Variants in ZNF679 observed in about 807,000 individuals in gnomAD.
ZNF679 encodes zinc finger protein 679, also known as hypothetical protein MGC42415.
ZNF679 carries 10 observed loss-of-function variants against 13.4 expected under a neutral mutation model. That is an observed-to-expected ratio of 0.75 (90% CI 0.46 to 1.27). ZNF679 has a LOEUF of 1.27. Among genes scored for constraint, ZNF679 ranks in the 50% most tolerant of loss-of-function variants. The pLI is 0.00. For missense variants in ZNF679, 525 were observed against 477.8 expected (o/e 1.10, Z -0.92); for synonymous variants, 179 against 162.5 (o/e 1.10, Z -0.77).
At chr7:64,245,171 C>T (rs1018442064) in intron 1 of ZNF679, among the ~76,000 whole-genome samples, 1 of 152,266 alleles carries the variant, frequency 6.6e-6, no homozygotes, top group South Asian at 2.1e-4. Context: ...GGACTACAGG[C>T]ACCCACCACC....
Position 64,228,539 on chromosome 7 carries a change from A to G in ZNF679, c.-204A>G, listed in dbSNP as rs368141808. The G allele has an allele frequency of 1.6e-4, 25 of 152,218 alleles. No individual in the cohort carries two copies. The highest frequency in any genetic ancestry group is 5.8e-4 in the African/African-American group (24 of 41,454). 9.4% of individuals were successfully genotyped at this position (152,218 alleles called of 1,614,324 possible). A position where few individuals can be genotyped will look rare whatever the true frequency, so the allele number is the denominator to read the frequency against. The stretch of plus-strand genomic sequence containing the variant: ...CTGGGCCCAAGCAAATTAGTAAAAT[A>G]AATTAGGTGCTGTGTGAAAGTATAC... On this transcript the variant is annotated 5_prime_UTR_variant, in exon 1 of 5. The change creates a new upstream start codon in the 5' untranslated region. Transcript: ENST00000421025.
At chr7:64,237,351 G>GT (rs771671310) in intron 1 of ZNF679, among the ~76,000 whole-genome samples, 25 of 152,350 alleles carry the variant, frequency 1.6e-4, no homozygotes, top group Non-Finnish European at 2.8e-4. Context: ...GTGCATGGGT[G>GT]TGAGTGTGCA....
intron 2 of ZNF679, among the ~76,000 whole-genome samples, chr7:64,249,407 T>C (rs1032075372): frequency 7.9e-5 from 12 of 152,156 alleles, no homozygotes; most frequent in Admixed American, 7.9e-4. Flanking sequence ...TGGGCAGCTC[T>C]GCACTCCCAG....
intron 1 of ZNF679, among the ~76,000 whole-genome samples, chr7:64,247,026 G>T (rs890638374): frequency 1.2e-4 from 18 of 152,138 alleles, no homozygotes; most frequent in Admixed American, 8.5e-4. Context: ...ACCATGTAAG[G>T]TCACTTTCTG....
chr7:64,259,293 G>A (rs190944599), intron 2 of ZNF679, among the ~76,000 whole-genome samples: 22 of 152,172 alleles, frequency 1.4e-4, no homozygotes, highest in Non-Finnish European at 2.8e-4. Context: ...TATGACCTGC[G>A]GTATTTAAAA....
At chr7:64,262,680 C>T (rs2115611363) in intron 4 of ZNF679, among the ~76,000 whole-genome samples, 1 of 152,158 alleles carries the variant, frequency 6.6e-6, no homozygotes, top group African/African-American at 2.4e-5. Flanking sequence ...CCTTATTTGT[C>T]TTTGTGTGGA....
rs150449673 is a variant in ZNF679, at chr7:64,242,817, A to T, written c.-90-6211A>T. ...GCCAGAATTTTATTTTTTGGCCTAA[A>T]CCCAGCTATGAGAGTCAACACCTCT... On this transcript the variant is annotated intron_variant, in intron 1 of 4. Coordinates refer to ENST00000421025, the MANE Select transcript of ZNF679 (RefSeq NM_153363.3). 2.3e-4 allele frequency among the ~76,000 whole-genome samples: 35 copies of T among 151,918 alleles called. No homozygotes were observed. In the East Asian group the frequency reaches 6.6e-3, roughly 29 times the overall value.
At chr7:64,265,622 T>C (rs1788133250) in intron 4 of ZNF679, among the ~76,000 whole-genome samples, 1 of 152,182 alleles carries the variant, frequency 6.6e-6, no homozygotes, top group South Asian at 2.1e-4. Context: ...AGAAGGGCTG[T>C]GTTGGGTAAA....
intron 2 of ZNF679, 116 bp from the exon 3 acceptor site, chr7:64,260,105 G>A (rs1788055113): frequency 1.1e-6 from 1 of 914,116 alleles, no homozygotes; most frequent in African/African-American, 1.7e-5. Flanking sequence ...TCTTATAAGT[G>A]AGAAACACTT....
At chr7:64,242,784 G>C (rs867296028) in intron 1 of ZNF679, among the ~76,000 whole-genome samples, 6 of 145,650 alleles carry the variant, frequency 4.1e-5, no homozygotes, top group African/African-American at 1.5e-4. Flanking sequence ...TTTTTTTTAA[G>C]TAGAAAAGCC....
chr7:64,261,800 C>T (rs548084319), intron 4 of ZNF679, among the ~76,000 whole-genome samples: 18 of 150,774 alleles, frequency 1.2e-4, no homozygotes, highest in Non-Finnish European at 2.5e-4. Context: ...AATAGTTCTT[C>T]CCATTTGTAT....
At chr7:64,236,488 A>G (rs1015081487) in intron 1 of ZNF679, among the ~76,000 whole-genome samples, 1 of 151,582 alleles carries the variant, frequency 6.6e-6, no homozygotes, top group Admixed American at 6.6e-5. Flanking sequence ...AACCTGATAT[A>G]AAAAGTCTAT....
chr7:64,266,290 A>C lies in ZNF679; in HGVS notation c.657A>C (p.Lys219Asn). Residue 219 changes from lysine (K) to asparagine (N), a missense_variant, in exon 5 of 5, where the codon AAA becomes AAC. Transcript: ENST00000421025. ...ENSYQCEECGKPFNCSSTLSK... is the reference protein window; with the variant it reads ...ENSYQCEECGNPFNCSSTLSK... ...CCTACCAATGTGAAGAATGCGGCAA[A>C]CCCTTCAACTGCTCTTCAACCCTTT... is the stretch of plus-strand genomic sequence containing the variant. 6.2e-7 allele frequency: 1 copy of C among 1,603,636 alleles called. No homozygotes were observed. The highest frequency in any genetic ancestry group is 8.5e-7 in the Non-Finnish European group (1 of 1,174,640).
At chr7:64,257,787 TG>T (rs1439434464) in intron 2 of ZNF679, among the ~76,000 whole-genome samples, 1 of 152,158 alleles carries the variant, frequency 6.6e-6, no homozygotes. Flanking sequence ...ACAAATGTAG[TG>T]GGTGTAAGGG....
intron 2 of ZNF679, among the ~76,000 whole-genome samples, chr7:64,255,048 C>T (rs1169969159): frequency 2.0e-5 from 3 of 150,494 alleles, no homozygotes; most frequent in Non-Finnish European, 4.4e-5. Context: ...TTAGCAAACT[C>T]CACAGATTTG....
At chr7:64,239,565 T>C (rs1374909989) in intron 1 of ZNF679, among the ~76,000 whole-genome samples, 6 of 152,174 alleles carry the variant, frequency 3.9e-5, no homozygotes, top group Admixed American at 1.3e-4. Flanking sequence ...TGTGACTATT[T>C]TGTCTGGCCA....
rs148484189 is a variant in ZNF679, at chr7:64,254,726, A to G, written c.40-5495A>G. ...ATATGATGAGACTGAGCTCTGAATT[A>G]TGGTCTGTGCTGACTCCAGGTGGTA... On this transcript the variant is annotated intron_variant, in intron 2 of 4. Transcript: ENST00000421025. Among the ~76,000 whole-genome samples the G allele has an allele frequency of 2.5e-3, 375 of 152,196 alleles. 3 individuals are homozygous for G. Among genetic ancestry groups the G allele is most frequent in the Non-Finnish European group, 4.2e-3 (283 of 68,014 alleles).
intron 1 of ZNF679, among the ~76,000 whole-genome samples, chr7:64,234,453 A>C (rs1787681319): frequency 6.6e-6 from 1 of 152,130 alleles, no homozygotes; most frequent in Non-Finnish European, 1.5e-5. Flanking sequence ...AATTGAGTAA[A>C]ATGTGGGGGG....
chr7:64,228,582 G>T lies in ZNF679; in HGVS notation c.-161G>T, dbSNP rs992732123. 6.6e-6 allele frequency: 1 copy of T among 152,218 alleles called. No individual in the cohort carries two copies. Among genetic ancestry groups the T allele is most frequent in the Non-Finnish European group, 1.5e-5 (1 of 68,048 alleles). 9.4% of individuals were successfully genotyped at this position (152,218 alleles called of 1,614,324 possible). A position where few individuals can be genotyped will look rare whatever the true frequency, so the allele number is the denominator to read the frequency against. On this transcript the variant is annotated 5_prime_UTR_variant, in exon 1 of 5. Transcript: ENST00000421025. ...AAGTATACGCCACAATCACACCTGC[G>T]GGAAGGACCAGGAATAAATTTCACA...
Sources: gnomAD v4.1 joint callset for allele counts (sites outside exome capture counted in the v4.1 genomes callset) on GRCh38, gnomAD v4.1.1 for gene constraint, MANE v1.5 for transcripts, NCBI Gene and HGNC (gene_info 2026-07-23, HGNC 2026-07-21) for gene names.